PCDH15: variants seen among roughly 807,000 people sequenced by gnomAD.
The protein encoded by PCDH15 is protocadherin-15.
PCDH15 carries 129 observed loss-of-function variants against 178.5 expected under a neutral mutation model. That is an observed-to-expected ratio of 0.72 (90% confidence interval 0.63 to 0.84). PCDH15 has a LOEUF of 0.84. Among genes scored for constraint, PCDH15 ranks in the 40% least tolerant of loss-of-function variants. PCDH15 has a pLI of 0.00. For synonymous variants in PCDH15, 800 were observed against 732.0 expected, an observed-to-expected ratio of 1.09 and a Z score of -1.50; for missense variants, 2,230 against 2,099.9, an observed-to-expected ratio of 1.06 and a Z score of -1.21.
At position 55,591,260 on chromosome 10, in the gene PCDH15, C is replaced by A. The variant is rs566064978; in HGVS notation, c.-156+36365G>T. Among the ~76,000 whole-genome samples the A allele has an allele frequency of 1.4e-4, 22 of 152,050 alleles. 1 individual carries two copies. Among genetic ancestry groups the A allele is most frequent in the African/African-American group, 5.1e-4 (21 of 41,486 alleles). On this transcript the variant is annotated intron_variant, in intron 2 of 5. Coordinates refer to the PCDH15 transcript ENST00000613346. ...ACAGCCTGTACAACATAGTAATACC[C>A]CATCTCTACCAAAACTACAAAAAAA...
intron 2 of PCDH15, among the ~76,000 whole-genome samples, chr10:55,605,487 A>G (rs1232027135): frequency 6.6e-6 from 1 of 150,780 alleles, no homozygotes; most frequent in African/African-American, 2.4e-5. Context: ...CATTGATGCA[A>G]AAATCCTCAA....
rs559411416 is a variant in PCDH15 at position 55,346,896 on chromosome 10, G to C, written c.-155-180245C>G. 1.2e-3 allele frequency among the ~76,000 whole-genome samples: 183 copies of C among 152,012 alleles called. 1 individual carries two copies. The highest frequency in any genetic ancestry group is 4.3e-3 in the African/African-American group (178 of 41,498). ...GGATATTAGAGATATAGTCAGTACAGGTTACTATAAATTAGGAGGGTAAAA... is the reference window on the plus strand; with the variant it reads ...GGATATTAGAGATATAGTCAGTACACGTTACTATAAATTAGGAGGGTAAAA... On this transcript the variant is annotated intron_variant, in intron 2 of 5. Coordinates refer to the PCDH15 transcript ENST00000613346.
At chr10:54,991,397 G>C (rs1250759417) in intron 2 of PCDH15, among the ~76,000 whole-genome samples, 1 of 152,190 alleles carries the variant, frequency 6.6e-6, no homozygotes, top group Admixed American at 6.5e-5. Flanking sequence ...ATTGAAAAAA[G>C]AGAAAAGCTG....
chr10:54,649,794 A>T (rs2135165461), intron 2 of PCDH15, among the ~76,000 whole-genome samples: 1 of 152,248 alleles, frequency 6.6e-6, no homozygotes, highest in East Asian at 1.9e-4. Context: ...CTAAATATTT[A>T]TTGACTGATT....
At chr10:55,427,402 A>G (rs1378536221) in intron 2 of PCDH15, among the ~76,000 whole-genome samples, 1 of 152,204 alleles carries the variant, frequency 6.6e-6, no homozygotes, top group Non-Finnish European at 1.5e-5. Flanking sequence ...TATATCTATT[A>G]CATTAAGATA....
At chr10:54,094,465 G>A (rs1238404245) in intron 15 of PCDH15, among the ~76,000 whole-genome samples, 1 of 152,062 alleles carries the variant, frequency 6.6e-6, no homozygotes, top group African/African-American at 2.4e-5. Context: ...AAGTCACGTG[G>A]GGAAGAACAT....
chr10:54,823,561 C>CTACTTA (rs1953081781), intron 3 of PCDH15, among the ~76,000 whole-genome samples: 1 of 151,930 alleles, frequency 6.6e-6, no homozygotes, highest in South Asian at 2.1e-4. Flanking sequence ...GTAGAGGGTC[C>CTACTTA]TGAGTAATCA....
intron 20 of PCDH15, among the ~76,000 whole-genome samples, chr10:53,998,999 G>A (rs1251789195): frequency 6.8e-6 from 1 of 148,074 alleles, no homozygotes; most frequent in African/African-American, 2.5e-5. Context: ...GTTGCAGTGA[G>A]CCGAGATCGC....
intron 1 of PCDH15, among the ~76,000 whole-genome samples, chr10:55,258,365 G>T (rs545878746): frequency 6.6e-6 from 1 of 152,288 alleles, no homozygotes; most frequent in East Asian, 1.9e-4. Context: ...TCATGGGAAG[G>T]AGGTGCAAGA....
intron 1 of PCDH15, among the ~76,000 whole-genome samples, chr10:55,275,975 T>C (rs866799664): frequency 3.3e-5 from 5 of 151,244 alleles, no homozygotes; most frequent in African/African-American, 1.2e-4. Context: ...TCATAAAATA[T>C]ATATTTTTCT....
chr10:53,864,778 C>T (rs896343672), intron 27 of PCDH15, among the ~76,000 whole-genome samples: 6 of 151,576 alleles, frequency 4.0e-5, no homozygotes, highest in East Asian at 3.9e-4. Flanking sequence ...AGGGAGAGTC[C>T]GTCTCAAAAA....
At chr10:54,942,193 T>C (rs1838080011) in intron 2 of PCDH15, among the ~76,000 whole-genome samples, 1 of 152,036 alleles carries the variant, frequency 6.6e-6, no homozygotes, top group Non-Finnish European at 1.5e-5. Context: ...GGAAGATACA[T>C]GATGCTCTCT....
At chr10:55,599,042 T>C (rs1003201850) in intron 2 of PCDH15, among the ~76,000 whole-genome samples, 10 of 152,116 alleles carry the variant, frequency 6.6e-5, no homozygotes, top group African/African-American at 2.2e-4. Flanking sequence ...CTTATTCTGG[T>C]GCAATAGATA....
At chr10:54,506,937 AT>A (rs920085966) in intron 3 of PCDH15, among the ~76,000 whole-genome samples, 4 of 151,592 alleles carry the variant, frequency 2.6e-5, no homozygotes, top group Non-Finnish European at 4.4e-5. Context: ...GCAAAACATG[AT>A]TTTTTTTTGA....
chr10:54,651,676 T>C (rs1197065951), intron 2 of PCDH15, among the ~76,000 whole-genome samples: 1 of 152,222 alleles, frequency 6.6e-6, no homozygotes, highest in African/African-American at 2.4e-5. Flanking sequence ...AGCTGAACCA[T>C]CTGTGATACA....
chr10:54,346,760 G>A (rs558867359), intron 5 of PCDH15, among the ~76,000 whole-genome samples: 1 of 152,318 alleles, frequency 6.6e-6, no homozygotes, highest in South Asian at 2.1e-4. Context: ...ATAGCCATTA[G>A]TATGTTAGCT....
chr10:54,811,974 A>G (rs1201423366), intron 3 of PCDH15, among the ~76,000 whole-genome samples: 2 of 152,164 alleles, frequency 1.3e-5, no homozygotes, highest in African/African-American at 2.4e-5. Context: ...ATAAATATAC[A>G]TCAATAAATT....
chr10:55,145,969 A>C lies in PCDH15; in HGVS notation c.-80+20607T>G, dbSNP rs140146767. Among the ~76,000 whole-genome samples, 1,314 of 152,090 alleles carry C rather than the reference A, an allele frequency of 8.6e-3. 11 individuals are homozygous for C. Among genetic ancestry groups the C allele is most frequent in the Non-Finnish European group, 0.012 (785 of 67,898 alleles). On this transcript the variant is annotated intron_variant, in intron 2 of 5. Coordinates refer to the PCDH15 transcript ENST00000458638. ...AAAGTAGAAATATAGAGTAGCTACA[A>C]ACCATACAACCATAAACAGGAATAT...
At chr10:54,104,842 CAACAAAAAA>C (rs2094881120) in intron 15 of PCDH15, among the ~76,000 whole-genome samples, 2 of 77,158 alleles carry the variant, frequency 2.6e-5, no homozygotes, top group Non-Finnish European at 2.3e-5. Flanking sequence ...GCCTCAACAA[CAACAAAAAA>C]AAAAAAAAAA....
Sources: allele counts gnomAD v4.1 joint callset (sites outside exome capture counted in the v4.1 genomes callset), GRCh38; gene constraint gnomAD v4.1.1; transcripts MANE v1.5; gene names NCBI Gene and HGNC (gene_info 2026-07-23, HGNC 2026-07-21).